NALCN: variants seen among roughly 807,000 people sequenced by gnomAD.
The protein encoded by NALCN is sodium leak channel NALCN.
In NALCN, 111 loss-of-function variants were observed where a neutral mutation model predicts 225.3. The ratio of observed to expected loss-of-function variants is 0.49; its 90% CI spans 0.42 to 0.58. NALCN has a LOEUF of 0.58. Ranked by LOEUF, NALCN falls within the 20% of genes least tolerant of loss-of-function variation. NALCN has a pLI of 0.00. For synonymous variants in NALCN, 764 were observed against 769.0 expected, an observed-to-expected ratio of 0.99 and a Z score of 0.11; for missense variants, 1,378 against 2,202.4, an observed-to-expected ratio of 0.63 and a Z score of 7.49.
chr13:101,106,500 T>A (rs371603553), intron 22 of NALCN, among the ~76,000 whole-genome samples: 2 of 152,288 alleles, frequency 1.3e-5, no homozygotes, highest in South Asian at 2.1e-4. Flanking sequence ...GTCTTCAGAA[T>A]ATTTACTTAA....
intron 7 of NALCN, among the ~76,000 whole-genome samples, chr13:101,316,369 A>C (rs1226888203): frequency 2.0e-5 from 3 of 152,204 alleles, no homozygotes; most frequent in African/African-American, 4.8e-5. Context: ...TTTTATGTTC[A>C]TAAGTGAGAG....
chr13:101,102,630 C>T (rs1252899184), intron 26 of NALCN, among the ~76,000 whole-genome samples: 1 of 152,186 alleles, frequency 6.6e-6, no homozygotes, highest in Non-Finnish European at 1.5e-5. Context: ...GTTTTGCCCC[C>T]TCAATCATCT....
intron 3 of NALCN, among the ~76,000 whole-genome samples, chr13:101,391,334 T>A (rs190068989): frequency 6.6e-6 from 1 of 152,210 alleles, no homozygotes; most frequent in East Asian, 1.9e-4. Context: ...AGGGGATAAT[T>A]TCCTAAGAAA....
intron 6 of NALCN, among the ~76,000 whole-genome samples, chr13:101,354,495 C>T (rs2045993142): frequency 6.6e-6 from 1 of 152,180 alleles, no homozygotes; most frequent in Non-Finnish European, 1.5e-5. Context: ...AGCAACTTTT[C>T]TCCTTTTGCC....
intron 22 of NALCN, among the ~76,000 whole-genome samples, chr13:101,105,967 A>G (rs1300875691): frequency 1.3e-5 from 2 of 152,172 alleles, no homozygotes; most frequent in African/African-American, 4.8e-5. Context: ...AGCTGCTGTA[A>G]CAAAGTACCA....
chr13:101,134,292 C>T (rs1257755478), intron 17 of NALCN, among the ~76,000 whole-genome samples: 1 of 152,184 alleles, frequency 6.6e-6, no homozygotes, highest in Non-Finnish European at 1.5e-5. Context: ...TGCATGTGCA[C>T]GTGTGTGCAT....
intron 9 of NALCN, among the ~76,000 whole-genome samples, chr13:101,290,440 A>C (rs2043511561): frequency 6.6e-6 from 1 of 152,330 alleles, no homozygotes; most frequent in African/African-American, 2.4e-5. Flanking sequence ...GAACTTTCTT[A>C]TCTCTCATAG....
At chr13:101,181,165 A>T (rs766053277) in intron 14 of NALCN, 1 of 518,890 alleles carries the variant, frequency 1.9e-6, no homozygotes, top group Non-Finnish European at 3.8e-6. Flanking sequence ...GCCAAGGAGA[A>T]GACTGATTTT....
chr13:101,092,092 C>A (rs575839786), intron 28 of NALCN, among the ~76,000 whole-genome samples: 21 of 151,832 alleles, frequency 1.4e-4, no homozygotes, highest in African/African-American at 4.9e-4. Flanking sequence ...TTTTTACCTG[C>A]TACCCTTCCT....
At chr13:101,212,860 G>C (rs2040578295) in intron 13 of NALCN, among the ~76,000 whole-genome samples, 1 of 152,112 alleles carries the variant, frequency 6.6e-6, no homozygotes, top group Non-Finnish European at 1.5e-5. Flanking sequence ...CCATGAAAAT[G>C]GCCATACTGC....
At chr13:101,314,010 A>G (rs2044456606) in intron 7 of NALCN, among the ~76,000 whole-genome samples, 1 of 151,924 alleles carries the variant, frequency 6.6e-6, no homozygotes. Context: ...TGTCCTTTGT[A>G]GGGACATGGA....
intron 13 of NALCN, among the ~76,000 whole-genome samples, chr13:101,216,845 T>A (rs2040754160): frequency 6.6e-6 from 1 of 152,164 alleles, no homozygotes; most frequent in Non-Finnish European, 1.5e-5. Flanking sequence ...ATAACTGTTT[T>A]GGACATATTT....
At chr13:101,275,203 T>C (rs1566517506) in intron 10 of NALCN, among the ~76,000 whole-genome samples, 4 of 152,108 alleles carry the variant, frequency 2.6e-5, no homozygotes, top group African/African-American at 9.7e-5. Context: ...GGGCTTTTGA[T>C]TGGGAGGTCA....
At chr13:101,100,173 G>A (rs909855340) in intron 27 of NALCN, among the ~76,000 whole-genome samples, 1 of 152,198 alleles carries the variant, frequency 6.6e-6, no homozygotes, top group Admixed American at 6.5e-5. Context: ...AAAGCTGAGA[G>A]TGGGGAAGCA....
intron 43 of NALCN, among the ~76,000 whole-genome samples, chr13:101,055,911 G>T (rs2031179604): frequency 6.6e-6 from 1 of 152,138 alleles, no homozygotes; most frequent in Non-Finnish European, 1.5e-5. Context: ...GAAAGGTGTG[G>T]TTCTGGGGCC....
chr13:101,282,613 C>T (rs1353638080), intron 10 of NALCN, among the ~76,000 whole-genome samples: 1 of 152,058 alleles, frequency 6.6e-6, no homozygotes, highest in Non-Finnish European at 1.5e-5. Flanking sequence ...GTATTGTATA[C>T]ATGAGATTTG....
rs56094663 is a variant in NALCN, at chr13:101,223,998, C to A, written c.1626+5395G>T. Among the ~76,000 whole-genome samples, 930 of 152,280 alleles carry A rather than the reference C, an allele frequency of 6.1e-3. 1 individual carries two copies. Among genetic ancestry groups the A allele is most frequent in the Middle Eastern group, 0.01 (3 of 294 alleles). On this transcript the variant is annotated intron_variant, in intron 13 of 43. Transcript: ENST00000251127. Reference sequence around the variant, plus strand: ...AGTCCTAGCCCCAATTCCCTCCTTACACCTAAATGGAAAGGACCTTACCAG... The same window carrying A: ...AGTCCTAGCCCCAATTCCCTCCTTAAACCTAAATGGAAAGGACCTTACCAG...
intron 13 of NALCN, among the ~76,000 whole-genome samples, chr13:101,223,883 G>T (rs2041039318): frequency 1.3e-5 from 2 of 151,912 alleles, no homozygotes; most frequent in African/African-American, 4.8e-5. Context: ...TTTCATTTGG[G>T]AATATGCTGA....
At chr13:101,062,247 A>C in intron 40 of NALCN, 129 bp from the exon 41 acceptor site, 1 of 1,032,106 alleles carries the variant, frequency 9.7e-7, no homozygotes, top group Admixed American at 2.4e-5. Flanking sequence ...ACCCCTCGCC[A>C]CCCGCATGTC....
Sources: allele counts gnomAD v4.1 joint callset (sites outside exome capture counted in the v4.1 genomes callset), GRCh38; gene constraint gnomAD v4.1.1; transcripts MANE v1.5; gene names NCBI Gene and HGNC (gene_info 2026-07-23, HGNC 2026-07-21).